The following ST18 variants were observed in gnomAD, a reference collection of about 807,000 sequenced individuals.
ST18 encodes suppression of tumorigenicity 18 protein.
Under a neutral mutation model 110.0 loss-of-function variants are expected in ST18, and 50 were observed. The observed-to-expected ratio is 0.45, with a 90% CI of 0.36 to 0.58. The LOEUF (loss-of-function observed/expected upper bound fraction) is 0.58, where lower values mean the gene tolerates loss of function less well. Among genes scored for constraint, ST18 ranks in the 20% least tolerant of loss-of-function variants. The pLI is 0.00. For synonymous variants in ST18, 461 were observed against 452.4 expected, an observed-to-expected ratio of 1.02 and a Z score of -0.24; for missense variants, 1,306 against 1,280.1, an observed-to-expected ratio of 1.02 and a Z score of -0.31.
intron 2 of ST18, among the ~76,000 whole-genome samples, chr8:52,334,179 A>T (rs1215434057): frequency 3.9e-5 from 6 of 152,224 alleles, no homozygotes; most frequent in Non-Finnish European, 7.3e-5. Context: ...TCTTTCTTCT[A>T]CACTTTAGCC....
intron 7 of ST18, among the ~76,000 whole-genome samples, chr8:52,213,899 G>C (rs939398408): frequency 6.6e-6 from 1 of 152,164 alleles, no homozygotes; most frequent in African/African-American, 2.4e-5. Context: ...TAATTTGAAA[G>C]TTTCCATGAA....
chr8:52,126,100 C>A lies in ST18; in HGVS notation c.2707G>T (p.Gly903Cys). 6.2e-7 allele frequency: 1 copy of A among 1,614,014 alleles called. No individual in the cohort carries two copies. The highest frequency in any genetic ancestry group is 8.5e-7 in the Non-Finnish European group (1 of 1,179,996). Reference sequence around the variant, plus strand: ...GTCATGAGTTCTTCAGAAACCTTGCCCTTTTTGATAACTTGTGCATTGAGA... The same window carrying A: ...GTCATGAGTTCTTCAGAAACCTTGCACTTTTTGATAACTTGTGCATTGAGA... Reference protein sequence around the residue: ...CPLNAQVIKKGKVSEELMTIK... With the variant: ...CPLNAQVIKKCKVSEELMTIK... The change falls in exon 23 of 26, where the codon GGC becomes TGC. Residue 903 changes from glycine (G) to cysteine (C), a missense_variant. By Grantham distance (159) the Gly-to-Cys change is radical. Transcript: ENST00000689386.
intron 2 of ST18, among the ~76,000 whole-genome samples, chr8:52,294,109 C>T (rs1277393038): frequency 1.3e-5 from 2 of 152,198 alleles, no homozygotes; most frequent in East Asian, 3.8e-4. Flanking sequence ...AATTTCAGTG[C>T]AGTGCTAATG....
intron 2 of ST18, among the ~76,000 whole-genome samples, chr8:52,356,904 A>G (rs1406601030): frequency 6.6e-6 from 1 of 152,134 alleles, no homozygotes; most frequent in Non-Finnish European, 1.5e-5. Flanking sequence ...TAATTCATGG[A>G]TTTCAATATA....
Position 52,172,152 on chromosome 8 carries a change from T to G in ST18, c.709A>C (p.Lys237Gln). 1 of 1,614,252 alleles carries G rather than the reference T, an allele frequency of 6.2e-7. No individual in the cohort carries two copies. Among genetic ancestry groups the G allele is most frequent in the Non-Finnish European group, 8.5e-7 (1 of 1,180,056 alleles). ...KKDLLEVPEI[K>Q]TEGDKFIPCE... ...GGGATAAATTTGTCACCTTCAGTTT[T>G]TATTTCAGGAACTTCCAATAGGTCT... is the stretch of plus-strand genomic sequence containing the variant. The change falls in exon 10 of 26, where the codon AAA (lysine) becomes CAA (glutamine). Residue 237 changes from lysine (K) to glutamine (Q), a missense_variant. Lys to Gln is a moderately conservative substitution (Grantham distance 53). Transcript: ENST00000689386.
At chr8:52,143,485 A>G (rs572356685) in intron 16 of ST18, among the ~76,000 whole-genome samples, 1 of 152,120 alleles carries the variant, frequency 6.6e-6, no homozygotes, top group East Asian at 1.9e-4. Context: ...CTCCGTCTCA[A>G]AAAAAAAGAA....
intron 8 of ST18, chr8:52,209,898 C>T (rs1588521980): frequency 3.0e-6 from 1 of 329,584 alleles, no homozygotes; most frequent in East Asian, 7.4e-5. Context: ...CATTTCTTCC[C>T]ACAAATTTGC....
chr8:52,113,394 G>T lies in ST18; in HGVS notation c.3004-56C>A. 2.5e-6 allele frequency: 4 copies of T among 1,594,784 alleles called. No homozygotes were observed. In the South Asian group the frequency reaches 3.4e-5, roughly 14 times the overall value. ...CACAGTGGTTCAGGCTGAGGGAAAA[G>T]AAGGACCCAGTGACATCGAAGATCA... On this transcript the variant is annotated intron_variant, in intron 25 of 25. Transcript: ENST00000689386.
intron 2 of ST18, among the ~76,000 whole-genome samples, chr8:52,389,720 A>G (rs758901502): frequency 3.3e-5 from 5 of 152,188 alleles, no homozygotes; most frequent in Non-Finnish European, 7.3e-5. Flanking sequence ...GAGAGGCCCA[A>G]CTGGCCCTGC....
At chr8:52,295,600 C>T (rs2095620685) in intron 2 of ST18, among the ~76,000 whole-genome samples, 1 of 151,990 alleles carries the variant, frequency 6.6e-6, no homozygotes, top group African/African-American at 2.4e-5. Context: ...TGACTTCCCC[C>T]TTTTAAAAAT....
intron 2 of ST18, among the ~76,000 whole-genome samples, chr8:52,268,454 G>T (rs529256625): frequency 6.8e-6 from 1 of 146,694 alleles, no homozygotes. Context: ...TCTATCTATC[G>T]TCTATCTATC....
chr8:52,350,230 T>A (rs1819673051), intron 2 of ST18, among the ~76,000 whole-genome samples: 3 of 152,190 alleles, frequency 2.0e-5, no homozygotes, highest in African/African-American at 7.2e-5. Context: ...ACTCCTTGCA[T>A]TAGAAGCTCT....
intron 2 of ST18, among the ~76,000 whole-genome samples, chr8:52,302,390 G>A (rs976146966): frequency 6.6e-6 from 1 of 152,150 alleles, no homozygotes; most frequent in Non-Finnish European, 1.5e-5. Flanking sequence ...AATAAATATA[G>A]ATTTCAATGG....
intron 8 of ST18, among the ~76,000 whole-genome samples, chr8:52,190,834 A>G (rs949082707): frequency 2.6e-5 from 4 of 152,202 alleles, no homozygotes; most frequent in African/African-American, 9.6e-5. Flanking sequence ...GGCTTTGACA[A>G]GACATCTGTG....
intron 6 of ST18, among the ~76,000 whole-genome samples, chr8:52,216,658 C>T (rs528641137): frequency 9.2e-5 from 14 of 152,050 alleles, no homozygotes; most frequent in Non-Finnish European, 1.9e-4. Flanking sequence ...GTTTATCGCT[C>T]GTGAGATGGT....
At chr8:52,372,601 T>G (rs1179627405) in intron 2 of ST18, among the ~76,000 whole-genome samples, 3 of 152,166 alleles carry the variant, frequency 2.0e-5, no homozygotes, top group Non-Finnish European at 4.4e-5. Flanking sequence ...TCTTTTAGAG[T>G]GTATTTTTAC....
intron 2 of ST18, among the ~76,000 whole-genome samples, chr8:52,330,281 A>T (rs961549057): frequency 6.6e-6 from 1 of 152,236 alleles, no homozygotes; most frequent in Admixed American, 6.5e-5. Context: ...CGAGAGGGTC[A>T]CTCAGGACAG....
chr8:52,247,804 G>A (rs1172818854), intron 2 of ST18, among the ~76,000 whole-genome samples: 2 of 152,112 alleles, frequency 1.3e-5, no homozygotes, highest in African/African-American at 4.8e-5. Flanking sequence ...ATAATGATGA[G>A]ATGACATATT....
chr8:52,165,262 T>C (rs1286099784), intron 11 of ST18, 37 bp from the exon 12 acceptor site: 9 of 1,602,574 alleles, frequency 5.6e-6, no homozygotes, highest in African/African-American at 2.7e-5. Flanking sequence ...AAGAATACTT[T>C]ACCATAAATA....
Sources: allele counts gnomAD v4.1 joint callset (sites outside exome capture counted in the v4.1 genomes callset), GRCh38; gene constraint gnomAD v4.1.1; transcripts MANE v1.5; gene names NCBI Gene and HGNC (gene_info 2026-07-23, HGNC 2026-07-21).